Variants in ANO10 observed in about 807,000 individuals in gnomAD.
The protein encoded by ANO10 is anoctamin 10, also known as anoctamin-10.
ANO10 carries 77 observed loss-of-function variants against 74.7 expected under a neutral mutation model. The observed-to-expected ratio is 1.03, with a 90% confidence interval of 0.86 to 1.25. The LOEUF (loss-of-function observed/expected upper bound fraction) is 1.25, where lower values mean the gene tolerates loss of function less well. Among genes scored for constraint, ANO10 ranks in the 50% most tolerant of loss-of-function variants. The pLI, the probability that ANO10 is intolerant of heterozygous loss-of-function variation, is 0.00. For synonymous variants in ANO10, 279 were observed against 284.9 expected, an observed-to-expected ratio of 0.98 and a Z score of 0.21; for missense variants, 721 against 778.1, an observed-to-expected ratio of 0.93 and a Z score of 0.87.
intron 1 of ANO10, among the ~76,000 whole-genome samples, chr3:43,640,361 G>A (rs1296077580): frequency 6.6e-6 from 1 of 152,146 alleles, no homozygotes; most frequent in African/African-American, 2.4e-5. Context: ...GATATTGGCT[G>A]AATTTTTTTA....
At chr3:43,396,098 C>T (rs2092375900) in intron 12 of ANO10, among the ~76,000 whole-genome samples, 1 of 148,818 alleles carries the variant, frequency 6.7e-6, no homozygotes. Context: ...TGCTTGATGG[C>T]GCTGGCCAGA....
intron 1 of ANO10, among the ~76,000 whole-genome samples, chr3:43,649,856 T>C (rs73829504): frequency 0.045 from 6,922 of 152,196 alleles, 529 homozygotes; most frequent in African/African-American, 0.16. Flanking sequence ...AAATCCCTTA[T>C]GGGATGGGGA....
intron 4 of ANO10, among the ~76,000 whole-genome samples, chr3:43,582,760 TC>T (rs2081319029): frequency 6.6e-6 from 1 of 152,212 alleles, no homozygotes; most frequent in South Asian, 2.1e-4. Context: ...ACTCAAAGTA[TC>T]AGTAACTAGG....
intron 10 of ANO10, among the ~76,000 whole-genome samples, chr3:43,552,720 ATATATATATGTATGTATGTATG>A (rs1321325731): frequency 1.3e-4 from 17 of 132,832 alleles, no homozygotes; most frequent in Admixed American, 3.1e-4. Context: ...ATATATATAT[ATATATATATGTATGTATGTATG>A]TATGTATGTA....
intron 7 of ANO10, among the ~76,000 whole-genome samples, chr3:43,569,117 T>C (rs1575449701): frequency 2.0e-5 from 3 of 148,160 alleles, no homozygotes; most frequent in East Asian, 2.0e-4. Context: ...ACACATACAC[T>C]CTCCCAAGAC....
intron 1 of ANO10, among the ~76,000 whole-genome samples, chr3:43,632,577 G>T (rs2083560231): frequency 6.6e-6 from 1 of 152,220 alleles, no homozygotes; most frequent in Non-Finnish European, 1.5e-5. Context: ...ACACATTTGT[G>T]AATAGTCTCT....
At chr3:43,413,276 C>T (rs2092692207) in intron 12 of ANO10, among the ~76,000 whole-genome samples, 2 of 152,098 alleles carry the variant, frequency 1.3e-5, no homozygotes, top group Admixed American at 1.3e-4. Context: ...AGAGCGACTC[C>T]TTGTTTGCCA....
chr3:43,488,753 T>A (rs200928279), intron 11 of ANO10, among the ~76,000 whole-genome samples: 5 of 152,006 alleles, frequency 3.3e-5, no homozygotes, highest in Admixed American at 6.6e-5. Context: ...ATTGTGGAAG[T>A]TGGTGTGGCG....
intron 2 of ANO10, 99 bp from the exon 3 acceptor site, chr3:43,600,680 AAAAG>A (rs2082302590): frequency 9.7e-7 from 1 of 1,030,466 alleles, no homozygotes; most frequent in South Asian, 1.5e-5. Context: ...TGGTAGAAGA[AAAAG>A]AAATTATATT....
At chr3:43,630,974 G>GGTAT (rs10647741) in intron 1 of ANO10, among the ~76,000 whole-genome samples, 7,422 of 152,188 alleles carry the variant, frequency 0.049, 201 homozygotes, top group Non-Finnish European at 0.059. Flanking sequence ...ACCTGCAAGA[G>GGTAT]GTATATGTTA....
chr3:43,592,771 G>A (rs1274143080), intron 4 of ANO10, among the ~76,000 whole-genome samples: 1 of 152,202 alleles, frequency 6.6e-6, no homozygotes, highest in African/African-American at 2.4e-5. Context: ...GTTGAGAGAA[G>A]AAGGCTTCAG....
intron 11 of ANO10, chr3:43,485,812 G>C: frequency 3.6e-6 from 1 of 279,314 alleles, no homozygotes; most frequent in Non-Finnish European, 7.1e-6. Flanking sequence ...GGGGCAGTGT[G>C]TGGCATTCCG....
At chr3:43,418,491 TTTTC>T (rs1450042993) in intron 12 of ANO10, among the ~76,000 whole-genome samples, 1 of 152,216 alleles carries the variant, frequency 6.6e-6, no homozygotes, top group African/African-American at 2.4e-5. Flanking sequence ...ACCAATTTCC[TTTTC>T]TTTTTCCATT....
chr3:43,492,529 G>T (rs2149121726), intron 11 of ANO10, among the ~76,000 whole-genome samples: 1 of 152,244 alleles, frequency 6.6e-6, no homozygotes, highest in South Asian at 2.1e-4. Context: ...GAATATTTTT[G>T]CAATCTTTCC....
intron 1 of ANO10, among the ~76,000 whole-genome samples, chr3:43,638,429 T>G (rs1458846536): frequency 6.6e-6 from 1 of 152,158 alleles, no homozygotes; most frequent in Non-Finnish European, 1.5e-5. Flanking sequence ...TCACTGGGAT[T>G]TTTAGTCTTC....
rs922482347 is a variant in ANO10 at position 43,463,825 on chromosome 3, C to T, written c.1798-31098G>A. On this transcript the variant is annotated intron_variant, in intron 11 of 12. Transcript: ENST00000292246. Reference sequence around the variant, plus strand: ...AATGAGAGGATGTGAGATTTGGGAGCAGTCAGGGACAGAATGATATGGTTT... The same window carrying T: ...AATGAGAGGATGTGAGATTTGGGAGTAGTCAGGGACAGAATGATATGGTTT... Among the ~76,000 whole-genome samples the T allele has an allele frequency of 3.3e-5, 5 of 152,148 alleles. No individual in the cohort carries two copies. The South Asian group carries it at 8.3e-4, about 25-fold the overall frequency.
intron 11 of ANO10, among the ~76,000 whole-genome samples, chr3:43,443,214 T>C (rs1211743291): frequency 6.6e-6 from 1 of 152,202 alleles, no homozygotes. Flanking sequence ...GCTGCCTGCA[T>C]GGGTGACTTT....
rs1161910647 is a variant in ANO10, at chr3:43,481,927, CT to C, written c.1798-49201del. 9.8e-3 allele frequency among the ~76,000 whole-genome samples: 1,213 copies of C among 123,808 alleles called. 5 individuals are homozygous for C. Among genetic ancestry groups the C allele is most frequent in the African/African-American group, 0.029 (948 of 32,910 alleles). 81.2% of individuals were successfully genotyped at this position (123,808 alleles called of 152,430 possible). A position where few individuals can be genotyped will look rare whatever the true frequency, so the allele number is the denominator to read the frequency against. ...ATTGATGTCTTTTTTCTTTTTTTTT[CT>C]TTTTTTTTTTTTTTTTTGAGACAGA... On this transcript the variant is annotated intron_variant, in intron 11 of 12. Coordinates refer to ENST00000292246, the MANE Select transcript of ANO10 (RefSeq NM_018075.5).
intron 11 of ANO10, among the ~76,000 whole-genome samples, chr3:43,521,720 G>A (rs1038015919): frequency 1.3e-5 from 2 of 152,096 alleles, no homozygotes; most frequent in Non-Finnish European, 2.9e-5. Context: ...CAGCTGCTAC[G>A]GAAAACAGTT....
Sources: allele counts gnomAD v4.1 joint callset (sites outside exome capture counted in the v4.1 genomes callset), GRCh38; gene constraint gnomAD v4.1.1; transcripts MANE v1.5; gene names NCBI Gene and HGNC (gene_info 2026-07-23, HGNC 2026-07-21).